Variants in MACROD2 observed in about 807,000 individuals in gnomAD.
MACROD2 encodes the protein mono-ADP ribosylhydrolase 2, also known as ADP-ribose glycohydrolase MACROD2.
In MACROD2, 36 loss-of-function variants were observed where a neutral mutation model predicts 70.4. The ratio of observed to expected loss-of-function variants is 0.51; its 90% confidence interval spans 0.39 to 0.68. The LOEUF (loss-of-function observed/expected upper bound fraction) is 0.68. Ranked by LOEUF, MACROD2 falls within the 30% of genes least tolerant of loss-of-function variation. The probability of loss-of-function intolerance (pLI) is 0.00; values close to 1 mark genes in which losing one functional copy is unlikely to be tolerated. For missense variants in MACROD2, 496 were observed against 538.4 expected, an observed-to-expected ratio of 0.92 and a Z score of 0.78; for synonymous variants, 172 against 178.8, an observed-to-expected ratio of 0.96 and a Z score of 0.30.
At chr20:14,903,623 T>C in intron 5 of MACROD2, among the ~76,000 whole-genome samples, 1 of 152,120 alleles carries the variant, frequency 6.6e-6, no homozygotes, top group South Asian at 2.1e-4. Flanking sequence ...CTGGGAGCAC[T>C]TAGAATTTTG....
chr20:15,588,853 C>T (rs1313085544), intron 8 of MACROD2, among the ~76,000 whole-genome samples: 3 of 152,172 alleles, frequency 2.0e-5, no homozygotes, highest in Non-Finnish European at 4.4e-5. Context: ...CAAACTTTCC[C>T]ACATTTTTGT....
At chr20:14,014,230 C>T (rs75384830) in intron 2 of MACROD2, among the ~76,000 whole-genome samples, 1 of 133,278 alleles carries the variant, frequency 7.5e-6, no homozygotes. Context: ...GCTCCCCCCT[C>T]CCCCCCACCC....
intron 15 of MACROD2, among the ~76,000 whole-genome samples, chr20:16,024,312 A>G (rs1375794652): frequency 3.3e-5 from 5 of 152,214 alleles, no homozygotes; most frequent in African/African-American, 7.2e-5. Context: ...AATCCAGATT[A>G]ATAGCAATTG....
intron 4 of MACROD2, among the ~76,000 whole-genome samples, chr20:14,629,705 G>A (rs1169354070): frequency 1.3e-5 from 2 of 152,168 alleles, no homozygotes; most frequent in African/African-American, 2.4e-5. Context: ...CTGCACAGAT[G>A]CAGGGAAGGA....
At chr20:14,008,864 A>G (rs1177149638) in intron 2 of MACROD2, among the ~76,000 whole-genome samples, 2 of 152,198 alleles carry the variant, frequency 1.3e-5, no homozygotes, top group Admixed American at 6.5e-5. Flanking sequence ...CAAACAAGCA[A>G]TGGAGAAAGG....
chr20:14,755,896 A>G (rs2071934296), intron 5 of MACROD2, among the ~76,000 whole-genome samples: 1 of 152,136 alleles, frequency 6.6e-6, no homozygotes, highest in Non-Finnish European at 1.5e-5. Context: ...TACTCAATTT[A>G]GTTGCTTTTG....
chr20:15,404,273 T>C (rs1237493384), intron 6 of MACROD2, among the ~76,000 whole-genome samples: 1 of 152,250 alleles, frequency 6.6e-6, no homozygotes, highest in African/African-American at 2.4e-5. Flanking sequence ...ACTTATTTTT[T>C]ATTTGCTGTT....
At chr20:14,437,185 G>C (rs959234322) in intron 3 of MACROD2, among the ~76,000 whole-genome samples, 3 of 152,324 alleles carry the variant, frequency 2.0e-5, no homozygotes, top group African/African-American at 7.2e-5. Context: ...AAGGTAAGTG[G>C]TGATGTTTTC....
chr20:14,249,360 A>G (rs1014296518), intron 3 of MACROD2, among the ~76,000 whole-genome samples: 1 of 151,944 alleles, frequency 6.6e-6, no homozygotes, highest in Non-Finnish European at 1.5e-5. Flanking sequence ...GTGGAGAGGC[A>G]AGAATAGTAG....
chr20:15,240,151 C>G (rs2077048846), intron 6 of MACROD2, among the ~76,000 whole-genome samples: 2 of 152,202 alleles, frequency 1.3e-5, no homozygotes, highest in Admixed American at 6.5e-5. Flanking sequence ...ATTCATGCTT[C>G]TGACCTGTTC....
chr20:15,419,231 C>G (rs1039336058), intron 6 of MACROD2, among the ~76,000 whole-genome samples: 1 of 152,164 alleles, frequency 6.6e-6, no homozygotes, highest in Non-Finnish European at 1.5e-5. Flanking sequence ...ATTGTCCCCA[C>G]CAGGGCAAGG....
intron 4 of MACROD2, among the ~76,000 whole-genome samples, chr20:14,513,862 T>C (rs539034018): frequency 1.3e-5 from 2 of 152,056 alleles, no homozygotes; most frequent in African/African-American, 4.8e-5. Context: ...TCTTACATAA[T>C]GGGATGCTAT....
intron 6 of MACROD2, among the ~76,000 whole-genome samples, chr20:15,307,064 G>A (rs979766): frequency 1.3e-5 from 2 of 151,990 alleles, no homozygotes; most frequent in African/African-American, 4.8e-5. Context: ...TCATCCATAA[G>A]GCACCCCACC....
At chr20:14,416,779 C>G (rs1384286513) in intron 3 of MACROD2, among the ~76,000 whole-genome samples, 3 of 152,184 alleles carry the variant, frequency 2.0e-5, no homozygotes, top group African/African-American at 7.2e-5. Context: ...CTAGGCTATC[C>G]TGGAGTGGCA....
At chr20:15,209,886 G>A (rs1338052852) in intron 5 of MACROD2, among the ~76,000 whole-genome samples, 1 of 152,208 alleles carries the variant, frequency 6.6e-6, no homozygotes, top group Admixed American at 6.5e-5. Flanking sequence ...GCCTATGAAT[G>A]TTTGACCTAA....
intron 3 of MACROD2, among the ~76,000 whole-genome samples, chr20:14,205,513 T>C (rs2081515775): frequency 6.6e-6 from 1 of 152,242 alleles, no homozygotes; most frequent in South Asian, 2.1e-4. Flanking sequence ...TCCTGGTGGC[T>C]CCACCCCACC....
rs1204280371 is a variant in MACROD2, at chr20:16,051,603, C to G, written c.*1727C>G. The G allele has an allele frequency of 6.6e-6, 1 of 152,168 alleles. No individual in the cohort carries two copies. Among genetic ancestry groups the G allele is most frequent in the Non-Finnish European group, 1.5e-5 (1 of 68,028 alleles). The allele number at this position is 152,168 out of a possible 1,614,324, so 9.4% of individuals were successfully genotyped here. A position where few individuals can be genotyped will look rare whatever the true frequency, so the allele number is the denominator to read the frequency against. ...TTTGATATGGAAGCATCTATATCCT[C>G]TATTGCCGTTAGATGTTGTTGCTTT... On this transcript the variant is annotated 3_prime_UTR_variant, in exon 18 of 18. Transcript: ENST00000684519.
At chr20:14,088,305 G>C (rs1016923445) in intron 3 of MACROD2, among the ~76,000 whole-genome samples, 1 of 145,978 alleles carries the variant, frequency 6.9e-6, no homozygotes, top group East Asian at 2.0e-4. Flanking sequence ...ACTCCAGCCT[G>C]GCGTCAGAGC....
intron 3 of MACROD2, among the ~76,000 whole-genome samples, chr20:14,393,840 A>G (rs2083552658): frequency 6.6e-6 from 1 of 152,168 alleles, no homozygotes; most frequent in Non-Finnish European, 1.5e-5. Flanking sequence ...TAATTAGGTT[A>G]AGATGATGTC....
Sources: gnomAD v4.1 joint callset for allele counts (sites outside exome capture counted in the v4.1 genomes callset) on GRCh38, gnomAD v4.1.1 for gene constraint, MANE v1.5 for transcripts, NCBI Gene and HGNC (gene_info 2026-07-23, HGNC 2026-07-21) for gene names.